The following CSMD3 variants were observed in gnomAD, a reference collection of about 807,000 sequenced individuals.
The protein encoded by CSMD3 is CUB and sushi domain-containing protein 3.
A neutral mutation model predicts 435.2 loss-of-function variants in CSMD3; 177 were observed. The observed-to-expected ratio is 0.41, with a 90% CI of 0.36 to 0.46. The LOEUF is 0.46. Among genes scored for constraint, CSMD3 ranks in the 20% least tolerant of loss-of-function variants. The pLI is 0.34. For missense variants in CSMD3, 4,265 were observed against 4,504.6 expected (o/e 0.95, Z 1.52); for synonymous variants, 1,656 against 1,520.5 (o/e 1.09, Z -2.07).
chr8:112,429,781 C>T (rs959899062), intron 32 of CSMD3, among the ~76,000 whole-genome samples: 19 of 151,882 alleles, frequency 1.3e-4, no homozygotes, highest in African/African-American at 4.6e-4. Flanking sequence ...AAGCAACAAA[C>T]TCATTTACAA....
chr8:112,458,164 A>T (rs1373929165), intron 32 of CSMD3, among the ~76,000 whole-genome samples: 1 of 150,494 alleles, frequency 6.6e-6, no homozygotes, highest in Admixed American at 6.6e-5. Flanking sequence ...TTGAGCTGCA[A>T]CTTTGTAAAG....
At position 112,405,421 on chromosome 8, in the gene CSMD3, G is replaced by A. The variant is rs565099400; in HGVS notation, c.5809+1103C>T. ...ATAAAAATTCCCAGATATGTTCTTC[G>A]GGCAGAAAAGAGAGTAATTTCCCTA... On this transcript the variant is annotated intron_variant, in intron 35 of 70. Transcript: ENST00000297405. Among the ~76,000 whole-genome samples the A allele has an allele frequency of 1.2e-3, 176 of 149,336 alleles. 1 individual carries two copies. The highest frequency in any genetic ancestry group is 4.0e-3 in the Admixed American group (60 of 14,898).
chr8:113,017,722 A>C (rs2086522495), intron 6 of CSMD3, among the ~76,000 whole-genome samples: 1 of 152,088 alleles, frequency 6.6e-6, no homozygotes, highest in South Asian at 2.1e-4. Context: ...TTTTCAATAA[A>C]ATAGTCCTCT....
chr8:112,545,501 AAAT>A lies in CSMD3; in HGVS notation c.4564+5167_4564+5169del, dbSNP rs1157955064. On this transcript the variant is annotated intron_variant, in intron 27 of 70. Coordinates refer to ENST00000297405, the MANE Select transcript of CSMD3 (RefSeq NM_198123.2). ...CCATCTCAAAAAAAAAAAAAAAAAAAAATAATAATAATAATAATAATAATAAAT... is the reference window on the plus strand; with the variant it reads ...CCATCTCAAAAAAAAAAAAAAAAAAAAATAATAATAATAATAATAATAAAT... Among the ~76,000 whole-genome samples the A allele has an allele frequency of 3.8e-3, 471 of 122,414 alleles. 5 individuals carry two copies. Among genetic ancestry groups the A allele is most frequent in the East Asian group, 6.6e-3 (27 of 4,086 alleles). The allele number at this position is 122,414 out of a possible 152,430, so 80.3% of individuals were successfully genotyped here. A position where few individuals can be genotyped will look rare whatever the true frequency, so the allele number is the denominator to read the frequency against.
At chr8:112,563,182 C>T (rs1828789161) in intron 24 of CSMD3, among the ~76,000 whole-genome samples, 1 of 151,696 alleles carries the variant, frequency 6.6e-6, no homozygotes. Flanking sequence ...TACTCTTTTT[C>T]TCATTAATAG....
chr8:113,083,369 T>C (rs1012705262), intron 5 of CSMD3, among the ~76,000 whole-genome samples: 3 of 151,826 alleles, frequency 2.0e-5, no homozygotes, highest in South Asian at 2.1e-4. Context: ...ATAAAAAAGC[T>C]GTAAGAAAAC....
chr8:112,685,893 T>A (rs1586966249), intron 14 of CSMD3, among the ~76,000 whole-genome samples, 161 bp from the exon 15 acceptor site: 1 of 152,178 alleles, frequency 6.6e-6, no homozygotes, highest in African/African-American at 2.4e-5. Context: ...TTTTTACATA[T>A]TGAAAAAGGC....
intron 3 of CSMD3, among the ~76,000 whole-genome samples, chr8:113,242,305 T>C (rs1185483489): frequency 6.6e-6 from 1 of 151,928 alleles, no homozygotes; most frequent in Non-Finnish European, 1.5e-5. Context: ...AGGAGCTTTT[T>C]TGGTTATTCT....
chr8:112,264,782 AATT>A (rs1291638264), intron 60 of CSMD3, among the ~76,000 whole-genome samples: 29 of 152,248 alleles, frequency 1.9e-4, no homozygotes, highest in Non-Finnish European at 4.1e-4. Context: ...TTAAAAATCT[AATT>A]ATTATAAAAC....
intron 7 of CSMD3, among the ~76,000 whole-genome samples, chr8:112,957,498 G>C (rs1240097890): frequency 6.6e-6 from 1 of 152,204 alleles, no homozygotes; most frequent in East Asian, 1.9e-4. Flanking sequence ...CGGTCGCCCA[G>C]GCTGGAGTGC....
intron 3 of CSMD3, among the ~76,000 whole-genome samples, chr8:113,267,076 T>C (rs907771713): frequency 2.0e-5 from 3 of 151,754 alleles, no homozygotes; most frequent in South Asian, 2.1e-4. Flanking sequence ...ATCAGAATTA[T>C]TATTGTTAAA....
chr8:112,415,428 A>T (rs1811802362), intron 32 of CSMD3, among the ~76,000 whole-genome samples: 1 of 152,164 alleles, frequency 6.6e-6, no homozygotes, highest in Non-Finnish European at 1.5e-5. Context: ...GATGTATGGA[A>T]ATGTCTGGAT....
At chr8:112,756,289 G>A (rs942069712) in intron 13 of CSMD3, among the ~76,000 whole-genome samples, 1 of 152,156 alleles carries the variant, frequency 6.6e-6, no homozygotes, top group African/African-American at 2.4e-5. Flanking sequence ...CCTACCAGGT[G>A]CTTGGACCAA....
chr8:112,367,172 G>A (rs1365618522), intron 38 of CSMD3, among the ~76,000 whole-genome samples: 2 of 151,930 alleles, frequency 1.3e-5, no homozygotes, highest in Non-Finnish European at 2.9e-5. Flanking sequence ...TAATAAATGT[G>A]CTATCACATT....
intron 38 of CSMD3, among the ~76,000 whole-genome samples, chr8:112,365,933 C>A (rs914642745): frequency 6.6e-6 from 1 of 152,112 alleles, no homozygotes; most frequent in African/African-American, 2.4e-5. Flanking sequence ...TCAAGGGATG[C>A]CAAAACTTTT....
intron 24 of CSMD3, among the ~76,000 whole-genome samples, chr8:112,561,368 GA>G (rs1828608680): frequency 6.6e-6 from 1 of 151,482 alleles, no homozygotes; most frequent in African/African-American, 2.4e-5. Context: ...AGATGTTTTT[GA>G]TTTTCTGAAT....
intron 1 of CSMD3, among the ~76,000 whole-genome samples, chr8:113,321,001 T>C (rs2093945645): frequency 6.6e-6 from 1 of 152,096 alleles, no homozygotes; most frequent in Non-Finnish European, 1.5e-5. Context: ...CTTAAATCTA[T>C]CTCTAGTCCC....
chr8:113,274,007 T>A (rs1389414059), intron 3 of CSMD3, among the ~76,000 whole-genome samples: 5 of 152,004 alleles, frequency 3.3e-5, no homozygotes, highest in Non-Finnish European at 5.9e-5. Flanking sequence ...GCAAAAGAAA[T>A]CATAGAAAAT....
chr8:113,038,018 A>T (rs1209027014), intron 5 of CSMD3, among the ~76,000 whole-genome samples: 3 of 152,182 alleles, frequency 2.0e-5, no homozygotes, highest in Non-Finnish European at 4.4e-5. Flanking sequence ...TGGGACTGTC[A>T]TAGGGAAAAC....
Sources: gnomAD v4.1 joint callset for allele counts (sites outside exome capture counted in the v4.1 genomes callset) on GRCh38, gnomAD v4.1.1 for gene constraint, MANE v1.5 for transcripts, NCBI Gene and HGNC (gene_info 2026-07-23, HGNC 2026-07-21) for gene names.